Variants in AOPEP observed in about 807,000 individuals in gnomAD.
The protein encoded by AOPEP is aminopeptidase O.
In AOPEP, 77 loss-of-function variants were observed where a neutral mutation model predicts 98.1. The observed-to-expected ratio is 0.78, with a 90% CI of 0.65 to 0.95. The LOEUF (loss-of-function observed/expected upper bound fraction) is 0.95, where lower values mean the gene tolerates loss of function less well. AOPEP is among the 40% of genes least tolerant of loss of function. The pLI is 0.00. For synonymous variants in AOPEP, 346 were observed against 365.3 expected (o/e 0.95, Z 0.60); for missense variants, 1,024 against 1,024.7 (o/e 1.00, Z 0.01).
At chr9:94,793,508 C>G (rs1425177751) in intron 4 of AOPEP, among the ~76,000 whole-genome samples, 1 of 151,794 alleles carries the variant, frequency 6.6e-6, no homozygotes, top group African/African-American at 2.4e-5. Context: ...GAAACCCCAT[C>G]TCTACTAAAA....
At chr9:95,094,059 C>T in the AOPEP span, among the ~76,000 whole-genome samples, 3 of 152,214 alleles carry the variant, frequency 2.0e-5, no homozygotes, top group African/African-American at 7.2e-5. Context: ...CTCCCCCACC[C>T]CTTTCTTGCT....
Position 94,848,620 on chromosome 9 carries a change from T to TCAAACAAA in AOPEP, c.1364+47636_1364+47643dup, listed in dbSNP as rs199659665. On this transcript the variant is annotated intron_variant, in intron 5 of 16. Coordinates refer to ENST00000375315, the MANE Select transcript of AOPEP (RefSeq NM_001193329.3). ...CTGGGTGACAGAGGGAGATTCCCACTCAAACAAACAAACAAACAAACAAAC... is the reference window on the plus strand; with the variant it reads ...CTGGGTGACAGAGGGAGATTCCCACTCAAACAAACAAACAAACAAACAAACAAACAAAC... Among the ~76,000 whole-genome samples, 3 of 150,410 alleles carry TCAAACAAA rather than the reference T, an allele frequency of 2.0e-5. No individual in the cohort carries two copies. The South Asian group carries it at 6.3e-4, about 32-fold the overall frequency.
intron 5 of AOPEP, among the ~76,000 whole-genome samples, chr9:94,888,354 AT>A (rs1345867074): frequency 6.8e-6 from 1 of 147,472 alleles, no homozygotes; most frequent in East Asian, 2.0e-4. Context: ...TGAAATAATT[AT>A]AGAGTCACAG....
intron 3 of AOPEP, among the ~76,000 whole-genome samples, chr9:94,781,334 G>A (rs1843198442): frequency 3.9e-5 from 6 of 152,028 alleles, no homozygotes. Flanking sequence ...ATATGCATTT[G>A]TGGAATAAAT....
chr9:95,140,351 C>T, the AOPEP span, among the ~76,000 whole-genome samples: 5 of 152,196 alleles, frequency 3.3e-5, no homozygotes, highest in South Asian at 1.0e-3. Flanking sequence ...CTTTGTTTCC[C>T]CCAAATACTC....
chr9:95,087,187 G>GT (rs1427179511), downstream of AOPEP: 1 of 153,996 alleles, frequency 6.5e-6, no homozygotes, highest in Admixed American at 6.6e-5. Context: ...ATTTCATACT[G>GT]TTTAAAAATA....
intron 5 of AOPEP, among the ~76,000 whole-genome samples, chr9:94,846,950 G>A (rs1056336728): frequency 3.9e-5 from 6 of 152,100 alleles, no homozygotes; most frequent in African/African-American, 1.4e-4. Flanking sequence ...TGAGAATGGA[G>A]CGGATAGTGG....
At chr9:95,077,776 AGT>A (rs2069240028) in intron 14 of AOPEP, among the ~76,000 whole-genome samples, 2 of 152,192 alleles carry the variant, frequency 1.3e-5, no homozygotes, top group Admixed American at 6.5e-5. Flanking sequence ...GCTGGGCTTA[AGT>A]GAGACTGATG....
intron 14 of AOPEP, among the ~76,000 whole-genome samples, chr9:95,078,627 C>T (rs367947823): frequency 1.3e-5 from 2 of 152,258 alleles, no homozygotes; most frequent in African/African-American, 4.8e-5. Context: ...CTGTCCCCAG[C>T]TGTCGCTCCC....
chr9:95,124,250 C>T, the AOPEP span, among the ~76,000 whole-genome samples: 29 of 152,062 alleles, frequency 1.9e-4, no homozygotes, highest in African/African-American at 2.9e-4. Context: ...TCACAGGGGC[C>T]GTGACATACT....
intron 5 of AOPEP, among the ~76,000 whole-genome samples, chr9:94,808,747 C>A (rs913739855): frequency 2.0e-5 from 3 of 152,200 alleles, no homozygotes; most frequent in Non-Finnish European, 4.4e-5. Context: ...ATTTGGGTTC[C>A]CCAGCCAAGA....
At chr9:94,847,127 TACAC>T (rs57318947) in intron 5 of AOPEP, among the ~76,000 whole-genome samples, 6 of 125,142 alleles carry the variant, frequency 4.8e-5, no homozygotes, top group African/African-American at 8.4e-5. Flanking sequence ...GTTCCCTTTG[TACAC>T]ACACACACAC....
intron 5 of AOPEP, among the ~76,000 whole-genome samples, chr9:94,849,968 G>T (rs891893991): frequency 6.6e-6 from 1 of 151,826 alleles, no homozygotes. Flanking sequence ...CCGGGAGATG[G>T]AGGTTACAGT....
At chr9:95,112,699 T>C in the AOPEP span, among the ~76,000 whole-genome samples, 3 of 152,176 alleles carry the variant, frequency 2.0e-5, no homozygotes, top group Admixed American at 2.0e-4. Flanking sequence ...GCTCCCAGGT[T>C]GGCAGCGTGA....
chr9:94,963,351 A>G (rs1189370018), intron 9 of AOPEP, among the ~76,000 whole-genome samples: 1 of 152,204 alleles, frequency 6.6e-6, no homozygotes, highest in African/African-American at 2.4e-5. Flanking sequence ...CAAATTAGCC[A>G]TGTGCCAAAA....
chr9:95,139,756 G>T, the AOPEP span, among the ~76,000 whole-genome samples: 1 of 150,542 alleles, frequency 6.6e-6, no homozygotes, highest in African/African-American at 2.4e-5. Context: ...TGCAGGATGA[G>T]GAGGAGGAGG....
At chr9:94,852,467 A>G (rs1260821426) in intron 5 of AOPEP, among the ~76,000 whole-genome samples, 2 of 152,198 alleles carry the variant, frequency 1.3e-5, no homozygotes, top group Non-Finnish European at 2.9e-5. Context: ...AGGGTAAGGA[A>G]CAAGGAGAGA....
At chr9:95,043,911 G>T (rs901951049) in intron 13 of AOPEP, among the ~76,000 whole-genome samples, 3 of 152,158 alleles carry the variant, frequency 2.0e-5, no homozygotes, top group Non-Finnish European at 2.9e-5. Flanking sequence ...ACCAGCCTCA[G>T]CAAAATTTTT....
intron 13 of AOPEP, among the ~76,000 whole-genome samples, chr9:95,052,984 C>T (rs969124866): frequency 2.0e-4 from 30 of 152,106 alleles, no homozygotes; most frequent in African/African-American, 6.3e-4. Flanking sequence ...ATAGGTTTCT[C>T]GGTGCACACT....
Sources: allele counts gnomAD v4.1 joint callset (sites outside exome capture counted in the v4.1 genomes callset), GRCh38; gene constraint gnomAD v4.1.1; transcripts MANE v1.5; gene names NCBI Gene and HGNC (gene_info 2026-07-23, HGNC 2026-07-21).